Variants in NKAIN3 observed in about 807,000 individuals in gnomAD.
NKAIN3 encodes the protein sodium/potassium-transporting ATPase subunit beta-1-interacting protein 3.
NKAIN3 carries 25 observed loss-of-function variants against 30.2 expected under a neutral mutation model. That is an observed-to-expected ratio of 0.83 (90% CI 0.60 to 1.16). The LOEUF is 1.16. NKAIN3 is among the 50% of genes most tolerant of loss of function. The pLI, the probability that NKAIN3 is intolerant of heterozygous loss-of-function variation, is 0.00. For synonymous variants in NKAIN3, 91 were observed against 89.6 expected, an observed-to-expected ratio of 1.02 and a Z score of -0.09; for missense variants, 225 against 254.1, an observed-to-expected ratio of 0.89 and a Z score of 0.78.
intron 1 of NKAIN3, among the ~76,000 whole-genome samples, chr8:62,272,213 C>A (rs1661916507): frequency 6.6e-6 from 1 of 152,076 alleles, no homozygotes; most frequent in Non-Finnish European, 1.5e-5. Flanking sequence ...GCAGATCATC[C>A]CAACTTGATT....
At chr8:62,795,816 T>C (rs1817843284) in intron 4 of NKAIN3, among the ~76,000 whole-genome samples, 1 of 152,168 alleles carries the variant, frequency 6.6e-6, no homozygotes, top group East Asian at 1.9e-4. Context: ...TCACTTTAAC[T>C]GTATCAGCTA....
chr8:62,457,906 CAT>C (rs1805867952), intron 1 of NKAIN3, among the ~76,000 whole-genome samples: 1 of 152,128 alleles, frequency 6.6e-6, no homozygotes, highest in Non-Finnish European at 1.5e-5. Flanking sequence ...ATAAAACAGA[CAT>C]GTGGCCAAGA....
chr8:62,715,324 A>C (rs1256428272), intron 3 of NKAIN3, among the ~76,000 whole-genome samples: 1 of 152,154 alleles, frequency 6.6e-6, no homozygotes, highest in Non-Finnish European at 1.5e-5. Context: ...GTCCAGGTTG[A>C]CTAATGTGAT....
At chr8:62,339,127 A>G (rs1815659932) in intron 1 of NKAIN3, among the ~76,000 whole-genome samples, 1 of 151,992 alleles carries the variant, frequency 6.6e-6, no homozygotes, top group Admixed American at 6.6e-5. Context: ...ATGGTGGGTA[A>G]AACATAATGC....
intron 4 of NKAIN3, among the ~76,000 whole-genome samples, chr8:62,793,357 C>T (rs551001652): frequency 6.6e-5 from 10 of 152,174 alleles, no homozygotes; most frequent in Admixed American, 1.3e-4. Flanking sequence ...TCTGCTTCCT[C>T]ATGGCTTTAT....
rs188548422 is a variant in NKAIN3, at chr8:62,321,394, A to C, written c.54+72267A>C. On this transcript the variant is annotated intron_variant, in intron 1 of 6. Transcript: ENST00000623646. ...GTGAGGAGCTGCGTTGCTTTGCAGGAGGAAAGGTGCTCTGATTTTTAGAGT... is the reference window on the plus strand; with the variant it reads ...GTGAGGAGCTGCGTTGCTTTGCAGGCGGAAAGGTGCTCTGATTTTTAGAGT... Among the ~76,000 whole-genome samples, 74 of 152,284 alleles carry C rather than the reference A, an allele frequency of 4.9e-4. 1 individual carries two copies. The highest frequency in any genetic ancestry group is 3.9e-3 in the East Asian group (20 of 5,178).
rs578225520 is a variant in NKAIN3, at chr8:62,706,121, A to T, written c.274-40811A>T. ...GAGTGGATCAAATTACCCAGGAAAG[A>T]CTTCTAATTTCTATCTACAGGAAGG... On this transcript the variant is annotated intron_variant, in intron 3 of 6. Transcript: ENST00000623646. 2.0e-5 allele frequency among the ~76,000 whole-genome samples: 3 copies of T among 152,186 alleles called. No individual in the cohort carries two copies. In the South Asian group the frequency reaches 6.2e-4, roughly 32 times the overall value.
chr8:62,911,981 TA>T (rs1037311099), intron 4 of NKAIN3, among the ~76,000 whole-genome samples: 40 of 152,318 alleles, frequency 2.6e-4, no homozygotes, highest in African/African-American at 8.7e-4. Flanking sequence ...ATATGTCACT[TA>T]ACTACAGGGA....
At chr8:62,545,625 A>G (rs1443180036) in intron 1 of NKAIN3, among the ~76,000 whole-genome samples, 1 of 152,156 alleles carries the variant, frequency 6.6e-6, no homozygotes, top group East Asian at 1.9e-4. Context: ...CACTGCATAT[A>G]AATTGATCTC....
intron 1 of NKAIN3, among the ~76,000 whole-genome samples, chr8:62,493,821 C>T (rs888555867): frequency 6.6e-6 from 1 of 151,972 alleles, no homozygotes; most frequent in Non-Finnish European, 1.5e-5. Context: ...TGATTTGGCT[C>T]TTGGCTTGTC....
intron 3 of NKAIN3, among the ~76,000 whole-genome samples, chr8:62,623,314 A>G (rs1811678832): frequency 6.6e-6 from 1 of 152,138 alleles, no homozygotes; most frequent in Non-Finnish European, 1.5e-5. Context: ...TTCACTAGAA[A>G]TAAAATTTAT....
intron 3 of NKAIN3, among the ~76,000 whole-genome samples, chr8:62,712,221 G>A (rs891733497): frequency 3.9e-5 from 6 of 152,144 alleles, no homozygotes; most frequent in African/African-American, 1.4e-4. Flanking sequence ...GGCCTCCTGC[G>A]AGGAGGTGGC....
intron 1 of NKAIN3, among the ~76,000 whole-genome samples, chr8:62,561,489 T>G (rs952049107): frequency 6.6e-5 from 10 of 152,284 alleles, no homozygotes; most frequent in African/African-American, 2.4e-4. Flanking sequence ...CTTTATAAAC[T>G]CCACATGTGT....
intron 4 of NKAIN3, among the ~76,000 whole-genome samples, chr8:62,870,699 A>G (rs538006401): frequency 7.2e-6 from 1 of 139,160 alleles, no homozygotes; most frequent in Non-Finnish European, 1.5e-5. Context: ...CTCTATCTAT[A>G]TATCTATATA....
At chr8:62,405,968 C>T (rs958578056) in intron 1 of NKAIN3, among the ~76,000 whole-genome samples, 1 of 152,104 alleles carries the variant, frequency 6.6e-6, no homozygotes, top group Non-Finnish European at 1.5e-5. Context: ...CATTTTTAAA[C>T]CAGTATCCAA....
intron 3 of NKAIN3, among the ~76,000 whole-genome samples, chr8:62,649,369 A>G (rs1338511932): frequency 1.3e-5 from 2 of 152,142 alleles, no homozygotes; most frequent in African/African-American, 4.8e-5. Flanking sequence ...GACTCCTCTA[A>G]GCATAGGGGT....
chr8:62,911,609 A>T (rs1821927563), intron 4 of NKAIN3, among the ~76,000 whole-genome samples: 1 of 152,020 alleles, frequency 6.6e-6, no homozygotes. Flanking sequence ...TTATAGGAAG[A>T]GACTCTTGAT....
At chr8:62,631,687 C>A (rs1162324348) in intron 3 of NKAIN3, among the ~76,000 whole-genome samples, 1 of 152,154 alleles carries the variant, frequency 6.6e-6, no homozygotes, top group African/African-American at 2.4e-5. Context: ...TGTTCTTTCA[C>A]ATCTCCAGAA....
chr8:62,662,600 G>T (rs1219384004), intron 3 of NKAIN3, among the ~76,000 whole-genome samples: 1 of 152,160 alleles, frequency 6.6e-6, no homozygotes, highest in African/African-American at 2.4e-5. Flanking sequence ...TTATTGAGGT[G>T]AGCTTTATTC....
Sources: gnomAD v4.1 joint callset for allele counts (sites outside exome capture counted in the v4.1 genomes callset) on GRCh38, gnomAD v4.1.1 for gene constraint, MANE v1.5 for transcripts, NCBI Gene and HGNC (gene_info 2026-07-23, HGNC 2026-07-21) for gene names.